Variants in FGD6 observed in about 807,000 individuals in gnomAD.
FGD6 encodes the protein FYVE, RhoGEF and PH domain-containing protein 6.
A neutral mutation model predicts 149.4 loss-of-function variants in FGD6; 90 were observed. The observed-to-expected ratio is 0.60, with a 90% confidence interval of 0.51 to 0.72. The LOEUF (loss-of-function observed/expected upper bound fraction) is 0.72, where lower values mean the gene tolerates loss of function less well. FGD6 is among the 30% of genes least tolerant of loss of function. The pLI, the probability that FGD6 is intolerant of heterozygous loss-of-function variation, is 0.00. For missense variants in FGD6, 1,437 were observed against 1,684.8 expected (o/e 0.85, Z 2.57); for synonymous variants, 527 against 584.0 (o/e 0.90, Z 1.41).
chr12:95,147,725 T>G (rs142172257), intron 5 of FGD6, among the ~76,000 whole-genome samples: 1 of 152,334 alleles, frequency 6.6e-6, no homozygotes, highest in African/African-American at 2.4e-5. Context: ...GTTAGCTTAC[T>G]TTCTTCATTG....
intron 2 of FGD6, among the ~76,000 whole-genome samples, chr12:95,206,633 C>T (rs971668992): frequency 6.7e-6 from 1 of 149,780 alleles, no homozygotes; most frequent in Non-Finnish European, 1.5e-5. Context: ...TTACAGGCTG[C>T]GGTAAGCCTT....
At chr12:95,158,865 T>A (rs1880557958) in intron 3 of FGD6, among the ~76,000 whole-genome samples, 1 of 150,522 alleles carries the variant, frequency 6.6e-6, no homozygotes, top group African/African-American at 2.4e-5. Context: ...TTAGTAAAAA[T>A]AATAATAATA....
At chr12:95,207,978 T>C (rs938563019) in intron 2 of FGD6, among the ~76,000 whole-genome samples, 2 of 152,098 alleles carry the variant, frequency 1.3e-5, no homozygotes, top group South Asian at 4.1e-4. Context: ...AGGCCCAGTG[T>C]AGTGACTCAT....
intron 2 of FGD6, among the ~76,000 whole-genome samples, chr12:95,190,584 TG>T (rs1005149255): frequency 1.3e-3 from 201 of 152,296 alleles, no homozygotes; most frequent in African/African-American, 4.6e-3. Context: ...CGGAAAAAAC[TG>T]TATTTTATTT....
chr12:95,152,877 G>A (rs1331390931), intron 4 of FGD6, 36 bp from the exon 5 acceptor site: 1 of 1,613,610 alleles, frequency 6.2e-7, no homozygotes, highest in South Asian at 1.1e-5. Context: ...TGTTTTAAAT[G>A]TGCCAATGGG....
intron 2 of FGD6, among the ~76,000 whole-genome samples, chr12:95,187,382 T>C (rs1881469920): frequency 6.6e-6 from 1 of 150,486 alleles, no homozygotes; most frequent in Non-Finnish European, 1.5e-5. Context: ...CTCATGCCTG[T>C]AATCCCAACA....
chr12:95,144,320 T>C (rs1879943499), intron 5 of FGD6, among the ~76,000 whole-genome samples: 1 of 152,128 alleles, frequency 6.6e-6, no homozygotes, highest in Non-Finnish European at 1.5e-5. Flanking sequence ...AGAAATTTAA[T>C]AATTAAAATA....
chr12:95,094,924 A>C (rs1878189121), intron 14 of FGD6, among the ~76,000 whole-genome samples: 1 of 152,202 alleles, frequency 6.6e-6, no homozygotes, highest in African/African-American at 2.4e-5. Flanking sequence ...TCTTTCCAAA[A>C]GTTCTGCTTT....
At chr12:95,093,713 G>C (rs1039182979) in intron 15 of FGD6, among the ~76,000 whole-genome samples, 3 of 151,712 alleles carry the variant, frequency 2.0e-5, no homozygotes, top group Non-Finnish European at 4.4e-5. Context: ...GCTGGTCATG[G>C]TGGCACGTGC....
rs542164287 is a variant in FGD6 at position 95,142,142 on chromosome 12, ATT to A, written c.2686-605_2686-604del. 9.1e-4 allele frequency among the ~76,000 whole-genome samples: 121 copies of A among 132,604 alleles called. 2 individuals are homozygous for A. The Middle Eastern group carries it at 0.016, about 18-fold the overall frequency. 87.0% of individuals were successfully genotyped at this position (132,604 alleles called of 152,430 possible). On this transcript the variant is annotated intron_variant, in intron 5 of 20. Transcript: ENST00000343958. Reference sequence around the variant, plus strand: ...GCCACCATGCCAGGCTCACTTTTGTATTTTTTTTTTTTTTTTTGAGATGGAGT... The same window carrying A: ...GCCACCATGCCAGGCTCACTTTTGTATTTTTTTTTTTTTTTGAGATGGAGT...
intron 6 of FGD6, among the ~76,000 whole-genome samples, chr12:95,139,686 CG>C (rs1361424937): frequency 9.0e-6 from 1 of 110,674 alleles, no homozygotes; most frequent in Non-Finnish European, 1.9e-5. Flanking sequence ...AAAGGAGTCT[CG>C]CTCTGTCACC....
chr12:95,105,114 G>T, intron 13 of FGD6, 28 bp from the exon 14 acceptor site: 1 of 1,577,504 alleles, frequency 6.3e-7, no homozygotes, highest in Non-Finnish European at 8.6e-7. Context: ...AATTTGAGCC[G>T]ACTCATCCTA....
At chr12:95,100,811 A>G (rs1013872891) in intron 14 of FGD6, 2 of 435,622 alleles carry the variant, frequency 4.6e-6, no homozygotes, top group South Asian at 3.8e-5. Context: ...CCCAACATTG[A>G]TGGTAAGGAT....
At chr12:95,100,067 C>A (rs1490611447) in intron 14 of FGD6, among the ~76,000 whole-genome samples, 2 of 92,496 alleles carry the variant, frequency 2.2e-5, no homozygotes, top group Non-Finnish European at 4.7e-5. Flanking sequence ...CCCCCCCCCC[C>A]CACCCCATAT....
intron 9 of FGD6, among the ~76,000 whole-genome samples, 168 bp from the exon 10 acceptor site, chr12:95,108,729 C>T (rs1019341442): frequency 3.9e-5 from 6 of 152,048 alleles, no homozygotes; most frequent in Non-Finnish European, 7.4e-5. Flanking sequence ...GAAGGCAAAA[C>T]CAAACCAAAC....
At chr12:95,114,536 A>C (rs1261699915) in intron 8 of FGD6, among the ~76,000 whole-genome samples, 1 of 147,188 alleles carries the variant, frequency 6.8e-6, no homozygotes, top group Non-Finnish European at 1.5e-5. Context: ...GCCCTGCAAC[A>C]AAAAAAAAAA....
chr12:95,108,644 A>C, intron 9 of FGD6, 83 bp from the exon 10 acceptor site: 7 of 1,497,720 alleles, frequency 4.7e-6, no homozygotes, highest in Non-Finnish European at 6.5e-6. Flanking sequence ...TCCAGGGGAC[A>C]AGATAGCTAG....
rs1877552429 is a variant in FGD6 at position 95,078,075 on chromosome 12, T to C, written c.*3445A>G. On this transcript the variant is annotated 3_prime_UTR_variant, in exon 21 of 21. Transcript: ENST00000343958. ...CTAGGAAGCCAGGCCTGGTGGTGCATGCCCCTGTAGTCCCAGCTACTCCAG... is the reference window on the plus strand; with the variant it reads ...CTAGGAAGCCAGGCCTGGTGGTGCACGCCCCTGTAGTCCCAGCTACTCCAG... 6.6e-6 allele frequency: 1 copy of C among 152,194 alleles called. No individual in the cohort carries two copies. The highest frequency in any genetic ancestry group is 1.5e-5 in the Non-Finnish European group (1 of 68,036). 9.4% of individuals were successfully genotyped at this position (152,194 alleles called of 1,614,324 possible).
In FGD6 at chr12:95,082,984, T is replaced by TTAAAAAAA. The variant is rs1386719189; in HGVS notation, c.4257-1429_4257-1428insTTTTTTTA. The stretch of plus-strand genomic sequence containing the variant: ...CAACATTGCTAGACTCTGTCTCCAT[T>TTAAAAAAA]AAAAAAAAAAAAAAAAAAAAAAAAA... On this transcript the variant is annotated intron_variant, in intron 20 of 20. Coordinates refer to ENST00000343958, the MANE Select transcript of FGD6 (RefSeq NM_018351.4). Among the ~76,000 whole-genome samples, 126 of 31,130 alleles carry TTAAAAAAA rather than the reference T, an allele frequency of 4.0e-3. 14 individuals carry two copies. The highest frequency in any genetic ancestry group is 7.0e-3 in the East Asian group (7 of 1,002). The allele number at this position is 31,130 out of a possible 152,430, so 20.4% of individuals were successfully genotyped here. A position where few individuals can be genotyped will look rare whatever the true frequency, so the allele number is the denominator to read the frequency against.
Sources: gnomAD v4.1 joint callset for allele counts (sites outside exome capture counted in the v4.1 genomes callset) on GRCh38, gnomAD v4.1.1 for gene constraint, MANE v1.5 for transcripts, NCBI Gene and HGNC (gene_info 2026-07-23, HGNC 2026-07-21) for gene names.